The following KLF12 variants were observed in gnomAD, a reference collection of about 807,000 sequenced individuals.
KLF12 encodes the protein Krueppel-like factor 12.
KLF12 carries 9 observed loss-of-function variants against 37.8 expected under a neutral mutation model. The ratio of observed to expected loss-of-function variants is 0.24; its 90% confidence interval spans 0.14 to 0.42. KLF12 has a LOEUF of 0.42. Ranked by LOEUF, KLF12 falls within the 10% of genes least tolerant of loss-of-function variation. The probability of loss-of-function intolerance (pLI) is 1.00; values close to 1 mark genes in which losing one functional copy is unlikely to be tolerated. For synonymous variants in KLF12, 208 were observed against 202.1 expected, an observed-to-expected ratio of 1.03 and a Z score of -0.25; for missense variants, 411 against 516.0, an observed-to-expected ratio of 0.80 and a Z score of 1.97.
intron 4 of KLF12, among the ~76,000 whole-genome samples, chr13:73,823,142 CT>C (rs375194000): frequency 7.2e-4 from 110 of 152,182 alleles, no homozygotes; most frequent in Middle Eastern, 3.4e-3. Flanking sequence ...TCTGTTGCCC[CT>C]ATCTGTGTTT....
At chr13:74,274,990 A>G in the KLF12 span, among the ~76,000 whole-genome samples, 480 of 152,246 alleles carry the variant, frequency 3.2e-3, 2 homozygotes, top group African/African-American at 0.011. Context: ...CCCCAAGATT[A>G]CAGACTCACT....
the KLF12 span, among the ~76,000 whole-genome samples, chr13:74,275,864 TTC>T: frequency 3.7e-5 from 4 of 107,646 alleles, no homozygotes; most frequent in African/African-American, 7.6e-5. Context: ...CTTTCTTTCT[TTC>T]TATCTTTCTT....
At chr13:73,873,732 C>T (rs1263189525) in intron 3 of KLF12, among the ~76,000 whole-genome samples, 2 of 151,886 alleles carry the variant, frequency 1.3e-5, no homozygotes, top group South Asian at 2.1e-4. Context: ...GTAAAAAAGA[C>T]ATGCTATAAA....
chr13:73,734,652 C>G (rs1343172132), intron 6 of KLF12, among the ~76,000 whole-genome samples: 1 of 151,818 alleles, frequency 6.6e-6, no homozygotes, highest in Non-Finnish European at 1.5e-5. Context: ...TTGCTATTAT[C>G]TATTGGTCAG....
intron 3 of KLF12, among the ~76,000 whole-genome samples, chr13:73,896,570 T>C (rs932981363): frequency 4.6e-5 from 7 of 152,196 alleles, no homozygotes; most frequent in African/African-American, 1.4e-4. Flanking sequence ...GAGAAATCAT[T>C]AGAGCAGCAT....
At chr13:74,231,304 AG>A in the KLF12 span, among the ~76,000 whole-genome samples, 1 of 152,168 alleles carries the variant, frequency 6.6e-6, no homozygotes, top group African/African-American at 2.4e-5. Context: ...AAGAAAGAGG[AG>A]GGAGAAATAT....
At chr13:73,947,246 T>C (rs1451302551) in intron 2 of KLF12, among the ~76,000 whole-genome samples, 1 of 152,220 alleles carries the variant, frequency 6.6e-6, no homozygotes. Flanking sequence ...GTTTCATGAG[T>C]GAATTGTTTG....
At chr13:73,722,030 C>A (rs952326373) in intron 6 of KLF12, among the ~76,000 whole-genome samples, 2 of 152,078 alleles carry the variant, frequency 1.3e-5, no homozygotes, top group Admixed American at 1.3e-4. Context: ...GAGTTGGTTG[C>A]ACGATAGAAT....
At chr13:73,746,989 G>A (rs896593651) in intron 6 of KLF12, among the ~76,000 whole-genome samples, 1 of 151,656 alleles carries the variant, frequency 6.6e-6, no homozygotes, top group Admixed American at 6.6e-5. Context: ...TAATTTTTTT[G>A]TATTTTTAGT....
At chr13:73,811,301 A>C (rs992296302) in intron 5 of KLF12, among the ~76,000 whole-genome samples, 9 of 152,034 alleles carry the variant, frequency 5.9e-5, no homozygotes, top group Admixed American at 2.6e-4. Context: ...AAGCAGGATA[A>C]TACTACTGAT....
chr13:73,926,119 G>A (rs1253464454), intron 3 of KLF12, among the ~76,000 whole-genome samples: 4 of 152,222 alleles, frequency 2.6e-5, no homozygotes, highest in Non-Finnish European at 5.9e-5. Context: ...CAGGGTTTGA[G>A]AGGACTGACT....
chr13:73,747,835 CCTACT>C (rs1878476806), intron 6 of KLF12, among the ~76,000 whole-genome samples: 1 of 147,676 alleles, frequency 6.8e-6, no homozygotes, highest in Admixed American at 6.8e-5. Flanking sequence ...TTTATTGATC[CCTACT>C]CTATTCTTTC....
chr13:74,051,984 A>G (rs898003781), intron 1 of KLF12, among the ~76,000 whole-genome samples: 6 of 152,180 alleles, frequency 3.9e-5, no homozygotes, highest in African/African-American at 1.4e-4. Context: ...TCAAAACATC[A>G]TAGTATACCC....
intron 5 of KLF12, among the ~76,000 whole-genome samples, chr13:73,798,451 A>G (rs1882113936): frequency 6.6e-6 from 1 of 152,222 alleles, no homozygotes; most frequent in African/African-American, 2.4e-5. Flanking sequence ...GCTTCTGCAC[A>G]GCAAAAGACC....
intron 2 of KLF12, among the ~76,000 whole-genome samples, chr13:73,965,379 C>T (rs1381305555): frequency 6.6e-6 from 1 of 152,076 alleles, no homozygotes; most frequent in African/African-American, 2.4e-5. Context: ...TCTAAAAGCA[C>T]TTTATTTTGA....
intron 3 of KLF12, among the ~76,000 whole-genome samples, chr13:73,932,674 G>A (rs1007919004): frequency 3.3e-5 from 5 of 152,074 alleles, no homozygotes; most frequent in African/African-American, 9.7e-5. Flanking sequence ...TGCCCATTAA[G>A]TAAATACAAA....
At position 73,693,225 on chromosome 13, in the gene KLF12, A is replaced by T. The variant is rs1455641871; in HGVS notation, c.*2265T>A. 1 of 152,200 alleles carries T rather than the reference A, an allele frequency of 6.6e-6. No homozygotes were observed. Among genetic ancestry groups the T allele is most frequent in the Non-Finnish European group, 1.5e-5 (1 of 68,044 alleles). 9.4% of individuals were successfully genotyped at this position (152,200 alleles called of 1,614,324 possible). On this transcript the variant is annotated 3_prime_UTR_variant, in exon 8 of 8. Coordinates refer to ENST00000377669, the MANE Select transcript of KLF12 (RefSeq NM_007249.5). ...CTCTCTGTGTTCTCTGTCACTGACT[A>T]GTAACCAGCACTGGCATGCATCAAC...
At chr13:73,911,098 A>G (rs543239143) in intron 3 of KLF12, among the ~76,000 whole-genome samples, 2 of 144,690 alleles carry the variant, frequency 1.4e-5, no homozygotes, top group African/African-American at 5.4e-5. Flanking sequence ...TAAGAGATTT[A>G]TTATCAAATT....
intron 2 of KLF12, among the ~76,000 whole-genome samples, chr13:73,982,082 C>T (rs1451163153): frequency 6.6e-6 from 1 of 152,132 alleles, no homozygotes; most frequent in Non-Finnish European, 1.5e-5. Flanking sequence ...CTCCCCTGTG[C>T]TTTGTTGACT....
Sources: allele counts gnomAD v4.1 joint callset (sites outside exome capture counted in the v4.1 genomes callset), GRCh38; gene constraint gnomAD v4.1.1; transcripts MANE v1.5; gene names NCBI Gene and HGNC (gene_info 2026-07-23, HGNC 2026-07-21).